ALPK1: variants seen among roughly 807,000 people sequenced by gnomAD.
ALPK1 encodes alpha kinase 1, also known as alpha-protein kinase 1.
A neutral mutation model predicts 120.6 loss-of-function variants in ALPK1; 110 were observed. That is an observed-to-expected ratio of 0.91 (90% CI 0.78 to 1.07). ALPK1 has a LOEUF of 1.07. ALPK1 is among the 50% of genes least tolerant of loss of function. The pLI, the probability that ALPK1 is intolerant of heterozygous loss-of-function variation, is 0.00. For missense variants in ALPK1, 1,498 were observed against 1,483.9 expected (o/e 1.01, Z -0.16); for synonymous variants, 582 against 560.3 (o/e 1.04, Z -0.55).
chr4:112,378,865 T>C (rs1002475920), intron 3 of ALPK1, among the ~76,000 whole-genome samples: 5 of 152,238 alleles, frequency 3.3e-5, no homozygotes, highest in Admixed American at 3.3e-4. Flanking sequence ...ATTTGTAACC[T>C]GTCATTTGTC....
At position 112,431,643 on chromosome 4, in the gene ALPK1, A is replaced by C. The variant is rs755792187; in HGVS notation, c.2096A>C (p.Gln699Pro). 10 of 1,614,198 alleles carry C rather than the reference A, an allele frequency of 6.2e-6. No individual in the cohort carries two copies. The South Asian group carries it at 1.1e-4, about 18-fold the overall frequency. The change falls in exon 11 of 16, where the codon CAG becomes CCG. Residue 699 changes from glutamine to proline, a missense_variant. Physicochemically the swap from Gln to Pro is moderately conservative, Grantham distance 76. Transcript: ENST00000650871. ...GLLEGAPEGI[Q>P]EVRNMGPRNT... ...CTAGAAGGAGCTCCAGAAGGTATCC[A>C]GGAAGTCAGAAATATGGGACCCAGA...
rs879564593 is a variant in ALPK1, at chr4:112,337,281, C to T, written c.-101+21429C>T. ...AATAAAAGCACATTTTATACTTCTTCGCTTTTATTATTAAAGATTATAAAG... is the reference window on the plus strand; with the variant it reads ...AATAAAAGCACATTTTATACTTCTTTGCTTTTATTATTAAAGATTATAAAG... On this transcript the variant is annotated intron_variant, in intron 2 of 15. Transcript: ENST00000650871. 1.1e-4 allele frequency among the ~76,000 whole-genome samples: 17 copies of T among 152,234 alleles called. 1 individual carries two copies. The highest frequency in any genetic ancestry group is 3.4e-3 in the Middle Eastern group (1 of 294).
chr4:112,408,106 CA>C, intron 4 of ALPK1, among the ~76,000 whole-genome samples: 1 of 123,192 alleles, frequency 8.1e-6, no homozygotes, highest in South Asian at 2.8e-4. Context: ...GGCTTCATCT[CA>C]AAAAAGACAA....
At chr4:112,362,229 C>T (rs780301503) in intron 2 of ALPK1, among the ~76,000 whole-genome samples, 3 of 152,138 alleles carry the variant, frequency 2.0e-5, no homozygotes, top group South Asian at 2.1e-4. Context: ...TGGATCCAAA[C>T]CAAGACAAAA....
chr4:112,300,113 A>G (rs1403486463), intron 1 of ALPK1, among the ~76,000 whole-genome samples: 1 of 152,190 alleles, frequency 6.6e-6, no homozygotes, highest in South Asian at 2.1e-4. Flanking sequence ...AAGCATTCTC[A>G]TAAAAGGGGG....
At chr4:112,311,243 C>T (rs749597624) in intron 1 of ALPK1, among the ~76,000 whole-genome samples, 2 of 152,234 alleles carry the variant, frequency 1.3e-5, no homozygotes, top group Admixed American at 6.5e-5. Flanking sequence ...CTAAATGACA[C>T]TCTCATCTGT....
Position 112,324,244 on chromosome 4 carries a change from T to G in ALPK1, c.-101+8392T>G, listed in dbSNP as rs201527717. Among the ~76,000 whole-genome samples the G allele has an allele frequency of 4.6e-5, 7 of 151,726 alleles. No individual in the cohort carries two copies. In the East Asian group the frequency reaches 5.8e-4, roughly 13 times the overall value. ...GGGGAGGCTGAGGCAGGAGAATGGC[T>G]TGAACCTGGGAGGCGGAGCTTGCAG... is the stretch of plus-strand genomic sequence containing the variant. On this transcript the variant is annotated intron_variant, in intron 2 of 15. Coordinates refer to ENST00000650871, the MANE Select transcript of ALPK1 (RefSeq NM_025144.4).
intron 2 of ALPK1, among the ~76,000 whole-genome samples, chr4:112,326,780 T>C (rs1026831978): frequency 6.6e-6 from 1 of 152,208 alleles, no homozygotes; most frequent in African/African-American, 2.4e-5. Context: ...TACGTAAATC[T>C]AGGCATTGTT....
At chr4:112,401,812 C>T (rs1164922946) in intron 4 of ALPK1, among the ~76,000 whole-genome samples, 1 of 152,146 alleles carries the variant, frequency 6.6e-6, no homozygotes, top group Non-Finnish European at 1.5e-5. Context: ...AAAATATTAT[C>T]TTCAGATATT....
intron 2 of ALPK1, among the ~76,000 whole-genome samples, chr4:112,341,427 C>T (rs923459057): frequency 3.3e-5 from 5 of 152,192 alleles, no homozygotes; most frequent in African/African-American, 1.2e-4. Flanking sequence ...AAGATAATTT[C>T]CTTAACTTCC....
At chr4:112,400,840 G>A (rs1230631248) in intron 4 of ALPK1, among the ~76,000 whole-genome samples, 1 of 152,180 alleles carries the variant, frequency 6.6e-6, no homozygotes, top group Non-Finnish European at 1.5e-5. Flanking sequence ...AGGCCAGAAT[G>A]TACCCTCTCC....
intron 2 of ALPK1, among the ~76,000 whole-genome samples, chr4:112,331,078 T>C (rs1729348438): frequency 1.3e-5 from 2 of 152,148 alleles, no homozygotes; most frequent in South Asian, 4.1e-4. Context: ...TATGCTGGCG[T>C]TTCAAGCATT....
chr4:112,430,972 A>T lies in ALPK1; in HGVS notation c.1425A>T (p.Gly475=). 1 of 1,613,800 alleles carries T rather than the reference A, an allele frequency of 6.2e-7. No individual in the cohort carries two copies. Among genetic ancestry groups the T allele is most frequent in the South Asian group, 1.1e-5 (1 of 91,048 alleles). ...SVCEVFESDC[G]NNKNEQKDAK... Reference sequence around the variant, plus strand: ...GTGAAGTATTTGAAAGTGATTGTGGAAACAACAAAAATGAACAGAAAGATG... The same window carrying T: ...GTGAAGTATTTGAAAGTGATTGTGGTAACAACAAAAATGAACAGAAAGATG... Residue 475 remains glycine (G), a synonymous_variant, in exon 11 of 16, where the codon GGA becomes GGT. Coordinates refer to ENST00000650871, the MANE Select transcript of ALPK1 (RefSeq NM_025144.4).
intron 2 of ALPK1, among the ~76,000 whole-genome samples, chr4:112,328,059 G>A (rs1040880821): frequency 2.6e-5 from 4 of 152,200 alleles, no homozygotes; most frequent in East Asian, 1.9e-4. Context: ...TGTAGATGGC[G>A]AACTTGGATA....
At chr4:112,300,951 T>C (rs996817456) in intron 1 of ALPK1, among the ~76,000 whole-genome samples, 2 of 152,220 alleles carry the variant, frequency 1.3e-5, no homozygotes, top group Non-Finnish European at 2.9e-5. Flanking sequence ...GTTACTGTGG[T>C]GCATTCTCCA....
chr4:112,305,223 G>T (rs1219737666), intron 1 of ALPK1, among the ~76,000 whole-genome samples: 1 of 151,986 alleles, frequency 6.6e-6, no homozygotes, highest in Non-Finnish European at 1.5e-5. Context: ...GGATTGTCTT[G>T]GTGATGTGGG....
At chr4:112,408,701 T>C (rs1402700861) in intron 4 of ALPK1, among the ~76,000 whole-genome samples, 1 of 152,202 alleles carries the variant, frequency 6.6e-6, no homozygotes, top group Non-Finnish European at 1.5e-5. Context: ...CTTGAACTTC[T>C]GACCTCAAGT....
intron 12 of ALPK1, among the ~76,000 whole-genome samples, chr4:112,437,059 G>A (rs1446969420): frequency 2.0e-5 from 3 of 152,128 alleles, no homozygotes; most frequent in South Asian, 4.2e-4. Context: ...CTGGAAGGCA[G>A]GTAGTCAGAC....
At chr4:112,402,604 AAAC>A (rs2148742674) in intron 4 of ALPK1, among the ~76,000 whole-genome samples, 1 of 152,318 alleles carries the variant, frequency 6.6e-6, no homozygotes, top group African/African-American at 2.4e-5. Context: ...AGATGTGAAA[AAAC>A]AACTGCGTGT....
Sources: allele counts gnomAD v4.1 joint callset (sites outside exome capture counted in the v4.1 genomes callset), GRCh38; gene constraint gnomAD v4.1.1; transcripts MANE v1.5; gene names NCBI Gene and HGNC (gene_info 2026-07-23, HGNC 2026-07-21).